Variants in DOP1B observed in about 807,000 individuals in gnomAD.
DOP1B encodes DOP1 leucine zipper like protein B, also known as protein DOP1B.
Under a neutral mutation model 233.5 loss-of-function variants are expected in DOP1B, and 174 were observed. That is an observed-to-expected ratio of 0.75 (90% CI 0.66 to 0.85). DOP1B has a LOEUF of 0.85. Ranked by LOEUF, DOP1B falls within the 40% of genes least tolerant of loss-of-function variation. The pLI is 0.00. For synonymous variants in DOP1B, 1,190 were observed against 1,185.6 expected, an observed-to-expected ratio of 1.00 and a Z score of -0.08; for missense variants, 2,652 against 2,846.6, an observed-to-expected ratio of 0.93 and a Z score of 1.56.
intron 2 of DOP1B, among the ~76,000 whole-genome samples, chr21:36,171,887 A>G (rs544328714): frequency 3.3e-5 from 5 of 152,350 alleles, no homozygotes; most frequent in African/African-American, 1.2e-4. Flanking sequence ...ATGGAAAGAA[A>G]TGACGCTTTC....
At chr21:36,292,308 G>C in intron 36 of DOP1B, 75 bp downstream of exon 36, 2 of 1,255,636 alleles carry the variant, frequency 1.6e-6, no homozygotes, top group South Asian at 3.0e-5. Flanking sequence ...CCAGGTTAGA[G>C]TGCAGTGGTG....
chr21:36,235,868 G>GGA (rs963093358), intron 15 of DOP1B, among the ~76,000 whole-genome samples: 1 of 147,708 alleles, frequency 6.8e-6, no homozygotes, highest in Non-Finnish European at 1.5e-5. Flanking sequence ...GAAGTCGGGG[G>GGA]GGGGGCGGTC....
intron 1 of DOP1B, among the ~76,000 whole-genome samples, chr21:36,158,802 CAA>C (rs386394681): frequency 2.0e-3 from 188 of 93,796 alleles, no homozygotes; most frequent in African/African-American, 7.1e-3. Context: ...ACTCTTGTCT[CAA>C]AAAAAAAAAA....
intron 3 of DOP1B, among the ~76,000 whole-genome samples, 191 bp downstream of exon 3, chr21:36,199,442 C>CT (rs771744180): frequency 7.3e-4 from 106 of 145,308 alleles, no homozygotes; most frequent in Middle Eastern, 3.6e-3. Context: ...TGCTTTCTTT[C>CT]TTTTTTTTTT....
At chr21:36,234,371 A>G (rs1028987243) in intron 15 of DOP1B, among the ~76,000 whole-genome samples, 9 of 152,148 alleles carry the variant, frequency 5.9e-5, no homozygotes, top group Non-Finnish European at 1.3e-4. Context: ...AAGAATTGAG[A>G]TCATGAATCT....
intron 27 of DOP1B, among the ~76,000 whole-genome samples, chr21:36,276,607 A>C (rs2067351696): frequency 6.6e-6 from 1 of 152,086 alleles, no homozygotes; most frequent in Non-Finnish European, 1.5e-5. Flanking sequence ...TTGGGAGACC[A>C]AGGCAGGAGG....
At chr21:36,272,571 C>T (rs1259086696) in intron 27 of DOP1B, among the ~76,000 whole-genome samples, 2 of 149,806 alleles carry the variant, frequency 1.3e-5, no homozygotes, top group African/African-American at 4.9e-5. Flanking sequence ...GACTTGAACC[C>T]GGAAGGTGGA....
At chr21:36,260,159 GAAAA>G (rs34320440) in intron 23 of DOP1B, among the ~76,000 whole-genome samples, 15 of 135,064 alleles carry the variant, frequency 1.1e-4, no homozygotes, top group Non-Finnish European at 1.7e-4. Flanking sequence ...CTTGTAAAAA[GAAAA>G]AAAAAAAAGG....
chr21:36,161,787 C>T (rs763924743), intron 1 of DOP1B, among the ~76,000 whole-genome samples: 15 of 152,210 alleles, frequency 9.9e-5, no homozygotes, highest in Admixed American at 2.6e-4. Flanking sequence ...GCACCCCAGG[C>T]AGCCACTAAC....
At position 36,280,314 on chromosome 21, in the gene DOP1B, C is replaced by T. The variant is rs2067401401; in HGVS notation, c.5999C>T (p.Thr2000Ile). 1 of 1,609,630 alleles carries T rather than the reference C, an allele frequency of 6.2e-7. No individual in the cohort carries two copies. The highest frequency in any genetic ancestry group is 8.5e-7 in the Non-Finnish European group (1 of 1,177,580). ...AAGTCCATTATTGACCATCTTTTGA[C>T]TCATGAGAAAACAATGTTTAAGGAT... ...HWKSIIDHLL[T>I]HEKTMFKDLM... The change falls in exon 31 of 37, where the codon ACT becomes ATT. Residue 2000 changes from threonine (T) to isoleucine (I), a missense_variant. Transcript: ENST00000691173.
intron 36 of DOP1B, 83 bp from the exon 37 acceptor site, chr21:36,293,237 G>C (rs2067579317): frequency 4.0e-5 from 59 of 1,458,678 alleles, no homozygotes; most frequent in Non-Finnish European, 5.4e-5. Context: ...TATTTCTTAG[G>C]TTTTGCCACA....
chr21:36,242,151 C>CATTATTGTTGTTATTATT (rs60892353), intron 18 of DOP1B, among the ~76,000 whole-genome samples: 1,720 of 143,962 alleles, frequency 0.012, 23 homozygotes, highest in South Asian at 0.035. Flanking sequence ...GTTCCTTGGG[C>CATTATTGTTGTTATTATT]ATTATTATTA....
At chr21:36,195,568 C>A (rs2066281987) in intron 2 of DOP1B, among the ~76,000 whole-genome samples, 4 of 152,098 alleles carry the variant, frequency 2.6e-5, no homozygotes. Context: ...GGTCAACATA[C>A]AGTGAACAAG....
chr21:36,211,954 T>C lies in DOP1B; in HGVS notation c.781-20T>C. The C allele has an allele frequency of 6.2e-7, 1 of 1,613,654 alleles. No homozygotes were observed. Among genetic ancestry groups the C allele is most frequent in the Non-Finnish European group, 8.5e-7 (1 of 1,179,872 alleles). ...TGCCCTATCATTCCCTTGCAGTAAA[T>C]TTCTCTGTCCTTCTAATAGGATTCC... On this transcript the variant is annotated intron_variant, in intron 6 of 36. Transcript: ENST00000691173.
intron 26 of DOP1B, among the ~76,000 whole-genome samples, 183 bp from the exon 27 acceptor site, chr21:36,269,830 A>G (rs1033142378): frequency 1.3e-5 from 2 of 152,154 alleles, no homozygotes; most frequent in African/African-American, 4.8e-5. Context: ...CACCCAGCCT[A>G]TATTATTAAT....
rs766113069 is a variant in DOP1B, at chr21:36,208,906, TG to T, written c.681+5del. 2.6e-6 allele frequency: 4 copies of T among 1,530,152 alleles called. No homozygotes were observed. Among genetic ancestry groups the T allele is most frequent in the Non-Finnish European group, 3.5e-6 (4 of 1,138,662 alleles). The allele number at this position is 1,530,152 out of a possible 1,614,324, so 94.8% of individuals were successfully genotyped here. A position where few individuals can be genotyped will look rare whatever the true frequency, so the allele number is the denominator to read the frequency against. ...CTGGGGACCAATCACCAACTCACGGTGGGTGCTGTGTTCCTCACAGGGCATG... is the reference window on the plus strand; with the variant it reads ...CTGGGGACCAATCACCAACTCACGGTGGTGCTGTGTTCCTCACAGGGCATG... On this transcript the variant is annotated splice_donor_region_variant and intron_variant, in intron 5 of 36. Transcript: ENST00000691173.
chr21:36,291,140 T>C (rs573522946), intron 35 of DOP1B, among the ~76,000 whole-genome samples: 1 of 149,970 alleles, frequency 6.7e-6, no homozygotes, highest in South Asian at 2.1e-4. Context: ...TGGGCACCTG[T>C]AATCCCAGCT....
At chr21:36,262,350 A>C (rs2067180571) in intron 24 of DOP1B, among the ~76,000 whole-genome samples, 1 of 152,150 alleles carries the variant, frequency 6.6e-6, no homozygotes, top group Admixed American at 6.5e-5. Flanking sequence ...GTCACACAAT[A>C]GGTAGTAAGT....
intron 2 of DOP1B, among the ~76,000 whole-genome samples, chr21:36,167,274 G>C (rs1490450003): frequency 6.6e-6 from 1 of 152,146 alleles, no homozygotes; most frequent in Non-Finnish European, 1.5e-5. Flanking sequence ...CCAGGTTCAA[G>C]CGATTCTCCT....
Sources: allele counts gnomAD v4.1 joint callset (sites outside exome capture counted in the v4.1 genomes callset), GRCh38; gene constraint gnomAD v4.1.1; transcripts MANE v1.5; gene names NCBI Gene and HGNC (gene_info 2026-07-23, HGNC 2026-07-21).